ZNF862: variants seen among roughly 807,000 people sequenced by gnomAD.
The protein encoded by ZNF862 is zinc finger protein 862.
ZNF862 carries 64 observed loss-of-function variants against 91.1 expected under a neutral mutation model. That is an observed-to-expected ratio of 0.70 (90% CI 0.57 to 0.87). The LOEUF (loss-of-function observed/expected upper bound fraction) is 0.87, where lower values mean the gene tolerates loss of function less well. Ranked by LOEUF, ZNF862 falls within the 40% of genes least tolerant of loss-of-function variation. The pLI is 0.00. For missense variants in ZNF862, 1,459 were observed against 1,528.0 expected (o/e 0.95, Z 0.75); for synonymous variants, 631 against 618.1 (o/e 1.02, Z -0.31).
Position 149,861,651 on chromosome 7 carries a change from C to G in ZNF862, c.2491C>G (p.Leu831Val). Reference protein sequence around the residue: ...IGHRAKGMLKLMRGFHFVKFC... With the variant: ...IGHRAKGMLKVMRGFHFVKFC... Reference sequence around the variant, plus strand: ...GCACCGGGCCAAAGGGATGCTGAAGCTCATGCGCGGCTTCCACTTTGTCAA... The same window carrying G: ...GCACCGGGCCAAAGGGATGCTGAAGGTCATGCGCGGCTTCCACTTTGTCAA... The change falls in exon 7 of 8, where the codon CTC (leucine) becomes GTC (valine). Residue 831 changes from leucine to valine, a missense_variant. By Grantham distance (32) the Leu-to-Val change is conservative. Coordinates refer to ENST00000223210, the MANE Select transcript of ZNF862 (RefSeq NM_001099220.3). This position sits in a 1 kb window ranked among gnomAD's most constrained non-coding sequence, Gnocchi z 6.7. 1 of 1,608,432 alleles carries G rather than the reference C, an allele frequency of 6.2e-7. No individual in the cohort carries two copies. Among genetic ancestry groups the G allele is most frequent in the South Asian group, 1.1e-5 (1 of 90,464 alleles).
chr7:149,864,876 C>G lies in ZNF862; in HGVS notation c.*592C>G, dbSNP rs1286969658. 6.6e-6 allele frequency: 1 copy of G among 152,434 alleles called. No individual in the cohort carries two copies. The highest frequency in any genetic ancestry group is 2.4e-5 in the African/African-American group (1 of 41,456). 9.4% of individuals were successfully genotyped at this position (152,434 alleles called of 1,614,324 possible). A position where few individuals can be genotyped will look rare whatever the true frequency, so the allele number is the denominator to read the frequency against. On this transcript the variant is annotated 3_prime_UTR_variant, in exon 8 of 8. Coordinates refer to ENST00000223210, the MANE Select transcript of ZNF862 (RefSeq NM_001099220.3). ...GCGAAACAATCACAAGCCCTTTGCA[C>G]AGAGCACCCAAGAAAGTTCTCTTCC... is the stretch of plus-strand genomic sequence containing the variant.
chr7:149,856,530 T>TTTAC (rs1481531070), intron 5 of ZNF862, among the ~76,000 whole-genome samples: 1 of 152,224 alleles, frequency 6.6e-6, no homozygotes, highest in Non-Finnish European at 1.5e-5. Context: ...TCTCACTTTC[T>TTTAC]TTACCCTCAT....
At chr7:149,851,899 G>C (rs916212168) in intron 5 of ZNF862, 2 of 152,150 alleles carry the variant, frequency 1.3e-5, no homozygotes, top group African/African-American at 2.4e-5. Flanking sequence ...AGGCTTTCTA[G>C]GGGGTGGGCC....
intron 7 of ZNF862, 97 bp downstream of exon 7, chr7:149,862,591 A>AC: frequency 1.5e-6 from 2 of 1,351,902 alleles, no homozygotes; most frequent in Non-Finnish European, 2.0e-6. Flanking sequence ...TCTGTCATGC[A>AC]CCCACCCATT....
intron 4 of ZNF862, 144 bp downstream of exon 4, chr7:149,848,576 A>G: frequency 1.5e-6 from 1 of 664,238 alleles, no homozygotes; most frequent in South Asian, 2.7e-5. Flanking sequence ...CAACATGCTT[A>G]TCATGGACTA....
At chr7:149,858,358 A>G (rs938454555) in intron 5 of ZNF862, 4 of 152,182 alleles carry the variant, frequency 2.6e-5, no homozygotes, top group African/African-American at 9.7e-5. Context: ...TTTTAGAGAT[A>G]TTTTAAGAAG....
At chr7:149,849,507 T>A (rs1801990196) in intron 4 of ZNF862, among the ~76,000 whole-genome samples, 2 of 152,362 alleles carry the variant, frequency 1.3e-5, no homozygotes, top group African/African-American at 4.8e-5. Context: ...TTACAACAAA[T>A]CATTTTTAAC....
Position 149,844,353 on chromosome 7 carries a change from C to T in ZNF862, c.25-272C>T, listed in dbSNP as rs545398292. ...TGAGAAGAAACGGGCGTGTGGGAGGCGGGTGAAGAGCACACAGGGAGGGGA... is the reference window on the plus strand; with the variant it reads ...TGAGAAGAAACGGGCGTGTGGGAGGTGGGTGAAGAGCACACAGGGAGGGGA... On this transcript the variant is annotated intron_variant, in intron 1 of 7. Coordinates refer to ENST00000223210, the MANE Select transcript of ZNF862 (RefSeq NM_001099220.3). Among the ~76,000 whole-genome samples the T allele has an allele frequency of 3.3e-5, 5 of 152,232 alleles. No individual in the cohort carries two copies. The South Asian group carries it at 6.2e-4, about 19-fold the overall frequency.
At position 149,859,670 on chromosome 7, in the gene ZNF862, A is replaced by G. The variant is rs2128941141; in HGVS notation, c.1222+144A>G. 4 of 649,972 alleles carry G rather than the reference A, an allele frequency of 6.2e-6. No homozygotes were observed. In the East Asian group the frequency reaches 1.1e-4, roughly 18 times the overall value. The allele number at this position is 649,972 out of a possible 1,614,324, so 40.3% of individuals were successfully genotyped here. A position where few individuals can be genotyped will look rare whatever the true frequency, so the allele number is the denominator to read the frequency against. Reference sequence around the variant, plus strand: ...TGGCAGGAGGCCCTGGGTAGACAAGATGAATAAGCAACTAACCCTGCCCAC... The same window carrying G: ...TGGCAGGAGGCCCTGGGTAGACAAGGTGAATAAGCAACTAACCCTGCCCAC... On this transcript the variant is annotated intron_variant, in intron 6 of 7. Coordinates refer to ENST00000223210, the MANE Select transcript of ZNF862 (RefSeq NM_001099220.3).
chr7:149,861,416 C>G lies in ZNF862; in HGVS notation c.2256C>G (p.Thr752=). 1 of 1,613,298 alleles carries G rather than the reference C, an allele frequency of 6.2e-7. No individual in the cohort carries two copies. The highest frequency in any genetic ancestry group is 8.5e-7 in the Non-Finnish European group (1 of 1,179,902). The change falls in exon 7 of 8, where the codon ACC becomes ACG. Residue 752 remains threonine (T), a synonymous_variant. Coordinates refer to ENST00000223210, the MANE Select transcript of ZNF862 (RefSeq NM_001099220.3). The surrounding 1 kb of genome is among the most constrained non-coding windows in gnomAD (Gnocchi z 6.7). ...AGAAGTGTGACCGGCACATCCGCAC[C>G]GTCTTCAAGTTTTATCAGTCCTCAA... ...LVKKCDRHIR[T]VFKFYQSSNK...
rs531258966 is a variant in ZNF862, at chr7:149,844,654, G to T, written c.54G>T (p.Val18=). ...CTGTGACGTTTGATGACATCACTGT[G>T]TACTTACTCCAGGAGGAATGGGTGC... ...KAPVTFDDIT[V]YLLQEEWVLL... is the part of the protein sequence containing the mutation. The change falls in exon 2 of 8, where the codon GTG becomes GTT. Residue 18 remains valine, a synonymous_variant. Coordinates refer to ENST00000223210, the MANE Select transcript of ZNF862 (RefSeq NM_001099220.3). 3 of 1,605,488 alleles carry T rather than the reference G, an allele frequency of 1.9e-6. No individual in the cohort carries two copies. The highest frequency in any genetic ancestry group is 2.2e-5 in the South Asian group (2 of 88,990).
chr7:149,842,329 G>T (rs1027919054), intron 1 of ZNF862, among the ~76,000 whole-genome samples: 1 of 152,234 alleles, frequency 6.6e-6, no homozygotes, highest in South Asian at 2.1e-4. Flanking sequence ...GTTAGATTCA[G>T]ACTGAGGGGA....
In ZNF862 at chr7:149,861,062, C is replaced by T; in HGVS notation, c.1902C>T (p.Ala634=). Residue 634 remains alanine, a synonymous_variant, in exon 7 of 8, where the codon GCC becomes GCT. Coordinates refer to ENST00000223210, the MANE Select transcript of ZNF862 (RefSeq NM_001099220.3). The surrounding 1 kb of genome is among the most constrained non-coding windows in gnomAD (Gnocchi z 6.7). ...VSVLLDSSTD[A]SEQACVGIYI... is the part of the protein sequence containing the mutation. ...TGCTGCTGGACAGCTCCACCGACGCCTCCGAGCAGGCCTGCGTGGGGATTT... is the reference window on the plus strand; with the variant it reads ...TGCTGCTGGACAGCTCCACCGACGCTTCCGAGCAGGCCTGCGTGGGGATTT... 2 of 1,612,830 alleles carry T rather than the reference C, an allele frequency of 1.2e-6. No individual in the cohort carries two copies. Among genetic ancestry groups the T allele is most frequent in the Non-Finnish European group, 1.7e-6 (2 of 1,179,756 alleles).
chr7:149,842,160 A>AT (rs1337868579), intron 1 of ZNF862, among the ~76,000 whole-genome samples: 1 of 152,146 alleles, frequency 6.6e-6, no homozygotes. Flanking sequence ...GGGTGGGTAG[A>AT]TTCTAAGTTG....
Position 149,847,792 on chromosome 7 carries a change from G to A in ZNF862, c.299G>A (p.Ser100Asn), listed in dbSNP as rs759024939. Residue 100 changes from serine (S) to asparagine (N), a missense_variant, in exon 4 of 8, where the codon AGT becomes AAT. Physicochemically the swap from Ser to Asn is conservative, Grantham distance 46. Coordinates refer to ENST00000223210, the MANE Select transcript of ZNF862 (RefSeq NM_001099220.3). ...GAGGTGCAAGGTCCCACCAGGGAGAGTGGACAGTCCCTCCCGCCTCAGAAG... is the reference window on the plus strand; with the variant it reads ...GAGGTGCAAGGTCCCACCAGGGAGAATGGACAGTCCCTCCCGCCTCAGAAG... Reference protein sequence around the residue: ...EMEVQGPTRESGQSLPPQKKA... With the variant: ...EMEVQGPTRENGQSLPPQKKA... 7.4e-6 allele frequency: 12 copies of A among 1,613,886 alleles called. No individual in the cohort carries two copies. Among genetic ancestry groups the A allele is most frequent in the Non-Finnish European group, 9.3e-6 (11 of 1,179,846 alleles).
At chr7:149,842,414 G>A (rs143217784) in intron 1 of ZNF862, among the ~76,000 whole-genome samples, 3 of 152,308 alleles carry the variant, frequency 2.0e-5, no homozygotes, top group African/African-American at 7.2e-5. Flanking sequence ...ATAGAACATC[G>A]AGAGAGATTC....
rs201917705 is a variant in ZNF862, at chr7:149,850,186, A to G, written c.965A>G (p.Glu322Gly). ...IQDPSAEGLS[E>G]EVPVVFEELP... Reference sequence around the variant, plus strand: ...GACCCTTCTGCAGAGGGGCTGTCGGAGGAGGTTCCTGTGGTGTTTGAGGAG... The same window carrying G: ...GACCCTTCTGCAGAGGGGCTGTCGGGGGAGGTTCCTGTGGTGTTTGAGGAG... The change falls in exon 5 of 8, where the codon GAG (glutamate) becomes GGG (glycine). Residue 322 changes from glutamate (E) to glycine (G), a missense_variant. Transcript: ENST00000223210. The surrounding 1 kb of genome is among the most constrained non-coding windows in gnomAD (Gnocchi z 4.2). 6.3e-7 allele frequency: 1 copy of G among 1,582,550 alleles called. No individual in the cohort carries two copies. The highest frequency in any genetic ancestry group is 8.6e-7 in the Non-Finnish European group (1 of 1,164,486).
At chr7:149,841,039 A>G in intron 1 of ZNF862, 1 of 984,392 alleles carries the variant, frequency 1.0e-6, no homozygotes, top group South Asian at 4.7e-5. Context: ...GGTATCTCAG[A>G]AAGGTGCTCA....
rs1802042327 is a variant in ZNF862 at position 149,850,644 on chromosome 7, CAG to C, written c.1117+308_1117+309del. The C allele has an allele frequency of 3.7e-6, 1 of 272,204 alleles. No individual in the cohort carries two copies. The highest frequency in any genetic ancestry group is 7.0e-6 in the Non-Finnish European group (1 of 143,858). The allele number at this position is 272,204 out of a possible 1,614,324, so 16.9% of individuals were successfully genotyped here. The stretch of plus-strand genomic sequence containing the variant: ...GGGCCTAGCACGTTTGTGGGAGAGA[CAG>C]ACATTTTAATAAGAAACTATAAAAT... On this transcript the variant is annotated intron_variant, in intron 5 of 7. Transcript: ENST00000223210. This position sits in a 1 kb window ranked among gnomAD's most constrained non-coding sequence, Gnocchi z 4.2.
Sources: gnomAD v4.1 joint callset for allele counts (sites outside exome capture counted in the v4.1 genomes callset) on GRCh38, gnomAD v4.1.1 for gene constraint, Gnocchi (gnomAD v3.1) non-coding constraint, MANE v1.5 for transcripts, NCBI Gene and HGNC (gene_info 2026-07-23, HGNC 2026-07-21) for gene names.